SEMA6D: variants seen among roughly 807,000 people sequenced by gnomAD.
The protein encoded by SEMA6D is semaphorin-6D.
A neutral mutation model predicts 106.6 loss-of-function variants in SEMA6D; 35 were observed. That is an observed-to-expected ratio of 0.33 (90% confidence interval 0.25 to 0.44). The LOEUF (loss-of-function observed/expected upper bound fraction) is 0.44. Ranked by LOEUF, SEMA6D falls within the 20% of genes least tolerant of loss-of-function variation. The pLI is 1.00. For missense variants in SEMA6D, 1,185 were observed against 1,345.9 expected, an observed-to-expected ratio of 0.88 and a Z score of 1.87; for synonymous variants, 499 against 487.7, an observed-to-expected ratio of 1.02 and a Z score of -0.31.
At chr15:47,500,443 A>G (rs1007755210) in intron 3 of SEMA6D, among the ~76,000 whole-genome samples, 2 of 152,152 alleles carry the variant, frequency 1.3e-5, no homozygotes, top group African/African-American at 2.4e-5. Context: ...ATCAATGCAT[A>G]TGAATTTATT....
At chr15:47,749,175 A>G (rs12916529) in intron 1 of SEMA6D, among the ~76,000 whole-genome samples, 43,414 of 147,540 alleles carry the variant, frequency 0.29, 7,751 homozygotes, top group Middle Eastern at 0.42. Context: ...TCCGCCTCCT[A>G]GGTTCAAGCA....
chr15:47,211,157 T>C (rs1281801590), intron 1 of SEMA6D, among the ~76,000 whole-genome samples: 1 of 152,204 alleles, frequency 6.6e-6, no homozygotes, highest in Non-Finnish European at 1.5e-5. Context: ...ATCATCTATC[T>C]ATACTCTCTC....
intron 1 of SEMA6D, among the ~76,000 whole-genome samples, chr15:47,189,083 A>T (rs1023916786): frequency 6.6e-6 from 1 of 152,238 alleles, no homozygotes; most frequent in East Asian, 1.9e-4. Context: ...TGAGGATATC[A>T]GGGTGGAAAT....
chr15:47,591,448 G>T (rs987176001), intron 3 of SEMA6D, among the ~76,000 whole-genome samples: 1 of 152,150 alleles, frequency 6.6e-6, no homozygotes, highest in Non-Finnish European at 1.5e-5. Context: ...AACTGCTGGG[G>T]CCTGGCTGTA....
chr15:47,617,334 A>G (rs763916886), intron 4 of SEMA6D, among the ~76,000 whole-genome samples: 3 of 152,210 alleles, frequency 2.0e-5, no homozygotes, highest in Non-Finnish European at 4.4e-5. Context: ...TAGCGAGACT[A>G]AGGGGACTAC....
intron 1 of SEMA6D, among the ~76,000 whole-genome samples, chr15:47,725,863 T>A (rs2079711672): frequency 6.6e-6 from 1 of 151,936 alleles, no homozygotes; most frequent in African/African-American, 2.4e-5. Flanking sequence ...TATATTTAAG[T>A]CTGTTACAAG....
At chr15:47,322,733 T>C (rs141200215) in intron 1 of SEMA6D, among the ~76,000 whole-genome samples, 2 of 152,312 alleles carry the variant, frequency 1.3e-5, no homozygotes, top group East Asian at 3.9e-4. Context: ...CTATTTCTCC[T>C]CAAAAATTTG....
At chr15:47,760,111 A>G in intron 2 of SEMA6D, 193 bp from the exon 3 acceptor site, 1 of 611,586 alleles carries the variant, frequency 1.6e-6, no homozygotes, top group Non-Finnish European at 2.8e-6. Context: ...CAACCTGTAT[A>G]TAGGTTATAT....
chr15:47,519,779 T>C (rs1015051457), intron 3 of SEMA6D, among the ~76,000 whole-genome samples: 4 of 152,186 alleles, frequency 2.6e-5, no homozygotes, highest in African/African-American at 9.7e-5. Context: ...ATTTATATCA[T>C]ATTAGTACCT....
chr15:47,711,954 G>A (rs909735187), intron 4 of SEMA6D, among the ~76,000 whole-genome samples: 1 of 152,198 alleles, frequency 6.6e-6, no homozygotes, highest in African/African-American at 2.4e-5. Context: ...TTTGGGGGAA[G>A]ATGAGGAGCA....
chr15:47,766,369 C>T (rs1212793612), intron 15 of SEMA6D, among the ~76,000 whole-genome samples, 187 bp downstream of exon 15: 1 of 151,908 alleles, frequency 6.6e-6, no homozygotes, highest in Non-Finnish European at 1.5e-5. Flanking sequence ...AATGGTAGAC[C>T]TAATAATACT....
chr15:47,247,067 A>T (rs1237888953), intron 1 of SEMA6D, among the ~76,000 whole-genome samples: 1 of 152,214 alleles, frequency 6.6e-6, no homozygotes, highest in Non-Finnish European at 1.5e-5. Context: ...ACCACCTGTT[A>T]TATAACTAGA....
At chr15:47,656,651 A>G (rs369843043) in intron 4 of SEMA6D, among the ~76,000 whole-genome samples, 2 of 152,302 alleles carry the variant, frequency 1.3e-5, no homozygotes, top group African/African-American at 4.8e-5. Flanking sequence ...GAAGCCTTCA[A>G]ACTTGTTTGC....
chr15:47,377,239 A>G (rs750951284), intron 1 of SEMA6D, among the ~76,000 whole-genome samples: 1 of 152,240 alleles, frequency 6.6e-6, no homozygotes, highest in Non-Finnish European at 1.5e-5. Context: ...TATAATTTAC[A>G]TGGTGATAAT....
Position 47,186,397 on chromosome 15 carries a change from A to G in SEMA6D, c.-239+1979A>G, listed in dbSNP as rs1334728375. On this transcript the variant is annotated intron_variant, in intron 1 of 19. Transcript: ENST00000558014. ...TAGGTAGAAGAAAATAAAAATGGAA[A>G]CTGGGTAGGCATCCAGACCATACTC... Among the ~76,000 whole-genome samples, 3 of 152,092 alleles carry G rather than the reference A, an allele frequency of 2.0e-5. No homozygotes were observed. The East Asian group carries it at 5.8e-4, about 29-fold the overall frequency.
chr15:47,650,054 A>G, intron 4 of SEMA6D, among the ~76,000 whole-genome samples: 1 of 152,216 alleles, frequency 6.6e-6, no homozygotes. Context: ...TAGACAACAT[A>G]TACTGAGCGC....
At chr15:47,214,126 T>TATACTGATGCCTGGTC (rs1184869941) in intron 1 of SEMA6D, among the ~76,000 whole-genome samples, 1 of 152,188 alleles carries the variant, frequency 6.6e-6, no homozygotes, top group Non-Finnish European at 1.5e-5. Context: ...AGCAATACAT[T>TATACTGATGCCTGGTC]ATACTGATGC....
At chr15:47,308,464 A>G (rs2036315847) in intron 1 of SEMA6D, among the ~76,000 whole-genome samples, 1 of 152,186 alleles carries the variant, frequency 6.6e-6, no homozygotes, top group African/African-American at 2.4e-5. Context: ...TACTTTACCT[A>G]TAATCTCTAA....
At chr15:47,531,031 A>G (rs2044943055) in intron 3 of SEMA6D, among the ~76,000 whole-genome samples, 1 of 152,226 alleles carries the variant, frequency 6.6e-6, no homozygotes, top group Non-Finnish European at 1.5e-5. Context: ...ATGAATAATG[A>G]CATATTTATA....
Sources: gnomAD v4.1 joint callset for allele counts (sites outside exome capture counted in the v4.1 genomes callset) on GRCh38, gnomAD v4.1.1 for gene constraint, MANE v1.5 for transcripts, NCBI Gene and HGNC (gene_info 2026-07-23, HGNC 2026-07-21) for gene names.